The following OSBPL1A variants were observed in gnomAD, a reference collection of about 807,000 sequenced individuals.
OSBPL1A encodes oxysterol-binding protein-related protein 1.
A neutral mutation model predicts 137.1 loss-of-function variants in OSBPL1A; 80 were observed. The ratio of observed to expected loss-of-function variants is 0.58; its 90% CI spans 0.49 to 0.70. The LOEUF (loss-of-function observed/expected upper bound fraction) is 0.70, where lower values mean the gene tolerates loss of function less well. OSBPL1A is among the 30% of genes least tolerant of loss of function. The pLI, the probability that OSBPL1A is intolerant of heterozygous loss-of-function variation, is 0.00. For synonymous variants in OSBPL1A, 365 were observed against 389.7 expected, an observed-to-expected ratio of 0.94 and a Z score of 0.75; for missense variants, 970 against 1,129.4, an observed-to-expected ratio of 0.86 and a Z score of 2.02.
At chr18:24,311,664 C>T in intron 13 of OSBPL1A, 1 of 308,552 alleles carries the variant, frequency 3.2e-6, no homozygotes, top group Non-Finnish European at 5.3e-6. Context: ...TCAAGTCAAG[C>T]TATGCATGCT....
At chr18:24,250,866 G>A (rs2089066804) in intron 15 of OSBPL1A, among the ~76,000 whole-genome samples, 1 of 152,170 alleles carries the variant, frequency 6.6e-6, no homozygotes, top group Non-Finnish European at 1.5e-5. Context: ...TGGGCCACAG[G>A]GGAGCCCACT....
intron 16 of OSBPL1A, 38 bp from the exon 17 acceptor site, chr18:24,225,236 T>G: frequency 6.2e-7 from 1 of 1,610,650 alleles, no homozygotes; most frequent in Non-Finnish European, 8.5e-7. Flanking sequence ...GAATTGAACT[T>G]GGGTGTGAGG....
chr18:24,254,244 A>T (rs920484157), intron 15 of OSBPL1A, among the ~76,000 whole-genome samples: 2 of 152,222 alleles, frequency 1.3e-5, no homozygotes, highest in African/African-American at 4.8e-5. Context: ...TCAATATAAT[A>T]ATTGCCGGAG....
chr18:24,220,573 T>G (rs2087856990), intron 17 of OSBPL1A, among the ~76,000 whole-genome samples: 1 of 152,148 alleles, frequency 6.6e-6, no homozygotes, highest in Non-Finnish European at 1.5e-5. Context: ...GCTCTTGCTC[T>G]TTTCCTTACT....
intron 15 of OSBPL1A, among the ~76,000 whole-genome samples, chr18:24,246,103 T>C (rs530847846): frequency 2.6e-4 from 40 of 151,972 alleles, no homozygotes; most frequent in East Asian, 3.9e-4. Context: ...TCCCAGCTAC[T>C]TGGGAGACTG....
In OSBPL1A at chr18:24,271,728, C is replaced by A. The variant is rs2089723848; in HGVS notation, c.1281+9114G>T. The A allele has an allele frequency of 6.1e-6, 6 of 985,142 alleles. No homozygotes were observed. The South Asian group carries it at 2.8e-4, about 46-fold the overall frequency. 61.0% of individuals were successfully genotyped at this position (985,142 alleles called of 1,614,324 possible). ...TCCTCCTCCTCCCCTCCAGTCGAGC[C>A]GAGGCGAGCCGATCCGGGAGGCGCG... On this transcript the variant is annotated intron_variant, in intron 15 of 27. Coordinates refer to ENST00000319481, the MANE Select transcript of OSBPL1A (RefSeq NM_080597.4). This position sits in a 1 kb window ranked among gnomAD's most constrained non-coding sequence, Gnocchi z 4.0.
rs2091676493 is a variant in OSBPL1A at position 24,364,709 on chromosome 18, G to A, written c.282+2183C>T. 2.6e-5 allele frequency: 4 copies of A among 151,942 alleles called. No homozygotes were observed. In the South Asian group the frequency reaches 8.3e-4, roughly 32 times the overall value. The allele number at this position is 151,942 out of a possible 1,614,324, so 9.4% of individuals were successfully genotyped here. A position where few individuals can be genotyped will look rare whatever the true frequency, so the allele number is the denominator to read the frequency against. On this transcript the variant is annotated intron_variant, in intron 4 of 27. Coordinates refer to ENST00000319481, the MANE Select transcript of OSBPL1A (RefSeq NM_080597.4). Reference sequence around the variant, plus strand: ...AGGCTGGTTAATACATTTAAGAAAAGGACTGCAAGATCTCTATGTTGAAAA... The same window carrying A: ...AGGCTGGTTAATACATTTAAGAAAAAGACTGCAAGATCTCTATGTTGAAAA...
intron 1 of OSBPL1A, among the ~76,000 whole-genome samples, chr18:24,382,726 T>C (rs1906686651): frequency 6.6e-6 from 1 of 150,966 alleles, no homozygotes; most frequent in African/African-American, 2.4e-5. Context: ...AATACAAAAA[T>C]TAAGCCAGGC....
intron 15 of OSBPL1A, among the ~76,000 whole-genome samples, chr18:24,267,770 ACT>A (rs2089616507): frequency 6.6e-6 from 1 of 151,944 alleles, no homozygotes; most frequent in African/African-American, 2.4e-5. Context: ...ATGAAAGGAA[ACT>A]CTTTAAATCT....
intron 15 of OSBPL1A, among the ~76,000 whole-genome samples, chr18:24,243,809 A>G (rs1050663815): frequency 6.6e-6 from 1 of 152,226 alleles, no homozygotes; most frequent in African/African-American, 2.4e-5. Flanking sequence ...CACTGAAGAT[A>G]CCTTCTTATA....
intron 18 of OSBPL1A, among the ~76,000 whole-genome samples, chr18:24,187,443 C>T (rs1346253730): frequency 6.6e-6 from 1 of 152,120 alleles, no homozygotes; most frequent in Non-Finnish European, 1.5e-5. Flanking sequence ...AAAATGAGCT[C>T]TGAGATCAAA....
At chr18:24,284,331 C>T (rs973517748) in intron 14 of OSBPL1A, among the ~76,000 whole-genome samples, 6 of 152,084 alleles carry the variant, frequency 3.9e-5, no homozygotes, top group South Asian at 4.1e-4. Context: ...CATGAATAAA[C>T]GCAAAAAGGC....
intron 1 of OSBPL1A, among the ~76,000 whole-genome samples, chr18:24,388,800 CAAAAAA>C (rs57143270): frequency 1.2e-5 from 1 of 82,836 alleles, no homozygotes; most frequent in Admixed American, 1.5e-4. Context: ...GACTCTGTCT[CAAAAAA>C]AAAAAAAAAA....
intron 18 of OSBPL1A, among the ~76,000 whole-genome samples, chr18:24,184,942 A>C (rs536003218): frequency 2.0e-5 from 3 of 152,244 alleles, no homozygotes; most frequent in Non-Finnish European, 2.9e-5. Context: ...CATGCGGTTA[A>C]CACAGCTAAA....
chr18:24,230,301 GGGATGACAAAAAAGTTCT>G (rs2088230619), intron 16 of OSBPL1A, among the ~76,000 whole-genome samples: 1 of 152,108 alleles, frequency 6.6e-6, no homozygotes, highest in African/African-American at 2.4e-5. Flanking sequence ...GTTTCAGTTT[GGGATGACAAAAAAGTTCT>G]GGAGAGAGAT....
chr18:24,349,861 T>A (rs1405101108), intron 4 of OSBPL1A, among the ~76,000 whole-genome samples: 2 of 152,216 alleles, frequency 1.3e-5, no homozygotes, highest in Admixed American at 1.3e-4. Context: ...GAGCAGAGAA[T>A]TCAGCTAGGC....
chr18:24,179,671 C>T, intron 20 of OSBPL1A, 67 bp downstream of exon 20: 1 of 1,310,270 alleles, frequency 7.6e-7, no homozygotes, highest in South Asian at 1.2e-5. Context: ...TTCGTGATGA[C>T]CAATATGTAT....
chr18:24,234,738 T>TA (rs759112932), intron 16 of OSBPL1A, among the ~76,000 whole-genome samples: 1 of 152,258 alleles, frequency 6.6e-6, no homozygotes, highest in East Asian at 1.9e-4. Context: ...AACAACTTTT[T>TA]AAAAGATTAA....
chr18:24,226,507 T>A (rs1599525496), intron 16 of OSBPL1A, among the ~76,000 whole-genome samples: 1 of 152,232 alleles, frequency 6.6e-6, no homozygotes, highest in African/African-American at 2.4e-5. Flanking sequence ...TAAGAAAGGC[T>A]CTGATACACA....
Sources: gnomAD v4.1 joint callset for allele counts (sites outside exome capture counted in the v4.1 genomes callset) on GRCh38, gnomAD v4.1.1 for gene constraint, Gnocchi (gnomAD v3.1) non-coding constraint, MANE v1.5 for transcripts, NCBI Gene and HGNC (gene_info 2026-07-23, HGNC 2026-07-21) for gene names.